NUMA1: variants seen among roughly 807,000 people sequenced by gnomAD.
NUMA1 encodes nuclear mitotic apparatus protein 1.
NUMA1 carries 62 observed loss-of-function variants against 237.1 expected under a neutral mutation model. That is an observed-to-expected ratio of 0.26 (90% CI 0.21 to 0.32). The LOEUF (loss-of-function observed/expected upper bound fraction) is 0.32. Among genes scored for constraint, NUMA1 ranks in the 10% least tolerant of loss-of-function variants. The pLI is 1.00. For missense variants in NUMA1, 2,533 were observed against 2,666.5 expected (o/e 0.95, Z 1.10); for synonymous variants, 1,028 against 1,066.1 (o/e 0.96, Z 0.70).
chr11:72,051,254 T>C (rs1942346110), intron 2 of NUMA1, among the ~76,000 whole-genome samples: 1 of 152,144 alleles, frequency 6.6e-6, no homozygotes, highest in Non-Finnish European at 1.5e-5. Context: ...ATCCTACGTA[T>C]CTGGCATCAC....
chr11:72,035,597 G>A (rs1438482729), intron 3 of NUMA1, among the ~76,000 whole-genome samples: 4 of 146,806 alleles, frequency 2.7e-5, no homozygotes, highest in South Asian at 4.2e-4. Flanking sequence ...TAGTAGAGAC[G>A]GGGGGGTTTC....
intron 5 of NUMA1, among the ~76,000 whole-genome samples, chr11:72,023,908 G>A (rs186950343): frequency 4.3e-4 from 65 of 152,248 alleles, no homozygotes; most frequent in Non-Finnish European, 2.1e-4. Context: ...AAAGTTATCT[G>A]GGAAAAACAG....
intron 17 of NUMA1, 95 bp from the exon 18 acceptor site, chr11:72,009,482 C>CG (rs1363371043): frequency 6.9e-7 from 1 of 1,456,600 alleles, no homozygotes; most frequent in Non-Finnish European, 9.1e-7. Context: ...GTGCTTCAGA[C>CG]TCCTGCACTT....
Position 72,013,379 on chromosome 11 carries a change from G to A in NUMA1, c.4124C>T (p.Ala1375Val). The change falls in exon 15 of 27, where the codon GCC (alanine) becomes GTC (valine). Residue 1375 changes from alanine (A) to valine (V), a missense_variant. Coordinates refer to ENST00000393695, the MANE Select transcript of NUMA1 (RefSeq NM_006185.4). The surrounding 1 kb of genome is among the most constrained non-coding windows in gnomAD (Gnocchi z 6.8). ...HLCQQLQAEQAAAEKRHREEL... is the reference protein window; with the variant it reads ...HLCQQLQAEQVAAEKRHREEL... Reference sequence around the variant, plus strand: ...CTCACGGTGGCGTTTCTCGGCAGCGGCCTGCTCGGCCTGCAGCTGCTGGCA... The same window carrying A: ...CTCACGGTGGCGTTTCTCGGCAGCGACCTGCTCGGCCTGCAGCTGCTGGCA... The A allele has an allele frequency of 6.2e-7, 1 of 1,611,112 alleles. No homozygotes were observed. The highest frequency in any genetic ancestry group is 1.1e-5 in the South Asian group (1 of 91,014).
intron 6 of NUMA1, 36 bp from the exon 7 acceptor site, chr11:72,022,455 C>T: frequency 7.0e-7 from 1 of 1,431,904 alleles, no homozygotes; most frequent in Non-Finnish European, 9.8e-7. Context: ...CTGAGTGGGG[C>T]TGTCTCTCTT....
At chr11:72,003,625 C>A in intron 26 of NUMA1, 87 bp from the exon 27 acceptor site, 2 of 1,545,944 alleles carry the variant, frequency 1.3e-6, no homozygotes, top group Non-Finnish European at 1.8e-6. Context: ...CCTGCTCCCA[C>A]GCCCCTGTCT....
At chr11:72,029,782 T>C (rs940814027) in intron 3 of NUMA1, among the ~76,000 whole-genome samples, 1 of 152,210 alleles carries the variant, frequency 6.6e-6, no homozygotes, top group African/African-American at 2.4e-5. Context: ...TTTTGAAATA[T>C]CTATTCAAAA....
chr11:72,048,226 A>G (rs1208817433), intron 2 of NUMA1, among the ~76,000 whole-genome samples: 1 of 152,148 alleles, frequency 6.6e-6, no homozygotes, highest in East Asian at 1.9e-4. Context: ...CCTCCCGAGT[A>G]GCTGGGATAA....
intron 2 of NUMA1, among the ~76,000 whole-genome samples, chr11:72,058,810 C>T (rs1476648182): frequency 6.6e-6 from 1 of 152,130 alleles, no homozygotes; most frequent in Admixed American, 6.5e-5. Context: ...CATGCTATCC[C>T]CCTCCTCCCC....
chr11:72,019,748 A>G (rs375069399), intron 8 of NUMA1, 131 bp from the exon 9 acceptor site: 1 of 1,001,262 alleles, frequency 1.0e-6, no homozygotes, highest in Non-Finnish European at 1.4e-6. Context: ...TAAACTACCA[A>G]GGAAGGCACT....
intron 24 of NUMA1, 135 bp downstream of exon 24, chr11:72,004,505 T>C: frequency 8.2e-7 from 1 of 1,220,776 alleles, no homozygotes; most frequent in Non-Finnish European, 1.2e-6. Flanking sequence ...TTCCCATCCA[T>C]GGGTCAGGCC....
At chr11:72,008,087 C>G (rs1015968559) in intron 20 of NUMA1, 1 of 477,772 alleles carries the variant, frequency 2.1e-6, no homozygotes, top group South Asian at 1.5e-5. Flanking sequence ...ACAGAATAAA[C>G]CTACCTCAGA....
chr11:72,037,944 C>T (rs185298764), intron 2 of NUMA1, among the ~76,000 whole-genome samples: 30 of 152,308 alleles, frequency 2.0e-4, no homozygotes, highest in Admixed American at 7.8e-4. Context: ...CCAACTACTG[C>T]ACTGCAATAA....
chr11:72,021,983 T>C (rs945897641), intron 7 of NUMA1, among the ~76,000 whole-genome samples: 1 of 140,406 alleles, frequency 7.1e-6, no homozygotes, highest in African/African-American at 2.7e-5. Context: ...ATGAGATAAA[T>C]GAAGTGAAAG....
chr11:72,078,927 C>T lies in NUMA1; in HGVS notation c.-103+1531G>A, dbSNP rs142563476. Among the ~76,000 whole-genome samples, 809 of 152,266 alleles carry T rather than the reference C, an allele frequency of 5.3e-3. 2 individuals are homozygous for T. The highest frequency in any genetic ancestry group is 7.8e-3 in the Non-Finnish European group (531 of 68,016). Reference sequence around the variant, plus strand: ...CCCTTACCATTAAAGCTTTAACGACCAGACAACCCAGAAGTTTGGAAACAT... The same window carrying T: ...CCCTTACCATTAAAGCTTTAACGACTAGACAACCCAGAAGTTTGGAAACAT... On this transcript the variant is annotated intron_variant, in intron 1 of 26. Transcript: ENST00000393695.
chr11:72,023,964 G>A (rs1448296146), intron 5 of NUMA1: 1 of 310,618 alleles, frequency 3.2e-6, no homozygotes, highest in Non-Finnish European at 6.0e-6. Context: ...CTGTCTCCTT[G>A]AAGTTCGGGG....
chr11:72,027,132 T>C (rs1348347864), intron 4 of NUMA1, among the ~76,000 whole-genome samples: 2 of 152,176 alleles, frequency 1.3e-5, no homozygotes, highest in African/African-American at 4.8e-5. Flanking sequence ...CCAAGGAAAT[T>C]TCTCTCTTCA....
chr11:72,044,520 T>G (rs1477826222), intron 2 of NUMA1, among the ~76,000 whole-genome samples: 1 of 152,036 alleles, frequency 6.6e-6, no homozygotes, highest in African/African-American at 2.4e-5. Context: ...AGATTTTACT[T>G]TAGGGTCCAG....
chr11:72,024,421 T>C (rs1201184633), intron 4 of NUMA1, 68 bp from the exon 5 acceptor site: 6 of 1,331,646 alleles, frequency 4.5e-6, no homozygotes, highest in South Asian at 1.2e-5. Flanking sequence ...CTGCATTTCA[T>C]AGTACCTCCC....
Sources: allele counts gnomAD v4.1 joint callset (sites outside exome capture counted in the v4.1 genomes callset), GRCh38; gene constraint gnomAD v4.1.1; non-coding constraint Gnocchi (gnomAD v3.1); transcripts MANE v1.5; gene names NCBI Gene and HGNC (gene_info 2026-07-23, HGNC 2026-07-21).